The following BRWD3 variants were observed in gnomAD, a reference collection of about 807,000 sequenced individuals.
BRWD3 encodes the protein bromodomain and WD repeat domain containing 3.
In BRWD3, 10 loss-of-function variants were observed where a neutral mutation model predicts 149.7. The observed-to-expected ratio is 0.07, with a 90% CI of 0.04 to 0.11. BRWD3 has a LOEUF of 0.11. Ranked by LOEUF, BRWD3 falls within the 10% of genes least tolerant of loss-of-function variation. BRWD3 has a pLI of 1.00. For synonymous variants in BRWD3, 504 were observed against 456.7 expected (o/e 1.10, Z -1.32); for missense variants, 940 against 1,373.2 (o/e 0.68, Z 4.99).
chrX:80,682,679 A>T (rs772702889), intron 37 of BRWD3, 51 bp from the exon 38 acceptor site: 13 of 1,111,898 alleles, frequency 1.2e-5, no homozygotes, highest in Non-Finnish European at 1.5e-5. Flanking sequence ...TTTTAAAAAA[A>T]GGTATAAACA....
At chrX:80,792,602 T>C (rs1244349293) in intron 5 of BRWD3, among the ~76,000 whole-genome samples, 1 of 112,105 alleles carries the variant, frequency 8.9e-6, no homozygotes, top group Non-Finnish European at 1.9e-5. Context: ...AATTATAAAA[T>C]GAGATGCTTA....
chrX:80,768,552 T>G (rs1032542802), intron 6 of BRWD3, among the ~76,000 whole-genome samples: 1 of 111,020 alleles, frequency 9.0e-6, no homozygotes, highest in Non-Finnish European at 1.9e-5. Flanking sequence ...TCACCACCAG[T>G]CCTGCCTTAC....
chrX:80,781,150 A>G (rs1383882063), intron 6 of BRWD3, among the ~76,000 whole-genome samples: 2 of 111,992 alleles, frequency 1.8e-5, no homozygotes, highest in Non-Finnish European at 3.8e-5. Flanking sequence ...TACTAAAGAT[A>G]AAAAACAAAA....
chrX:80,702,810 T>C (rs2072808938), intron 24 of BRWD3, among the ~76,000 whole-genome samples: 2 of 111,875 alleles, frequency 1.8e-5, no homozygotes, highest in Non-Finnish European at 3.8e-5. Context: ...GCAATGACAA[T>C]ATTACATTTC....
At chrX:80,713,054 C>G (rs1408830854) in intron 20 of BRWD3, among the ~76,000 whole-genome samples, 1 of 108,729 alleles carries the variant, frequency 9.2e-6, no homozygotes, top group Non-Finnish European at 1.9e-5. Flanking sequence ...GCTGCCCCGT[C>G]TGGGAGGGAG....
Position 80,774,262 on chromosome X carries a change from TTTTTTTA to T in BRWD3, c.430+17585_430+17591del, listed in dbSNP as rs761041102. 2.3e-4 allele frequency among the ~76,000 whole-genome samples: 26 copies of T among 110,669 alleles called. No homozygotes were observed. In the East Asian group the frequency reaches 5.6e-3, roughly 24 times the overall value. Reference sequence around the variant, plus strand: ...CCTTCAGATTTTTTTTATTTTTTTATTTTTTTATTTTTTATTTTTTTTGAGACAGGGT... The same window carrying T: ...CCTTCAGATTTTTTTTATTTTTTTATTTTTTTATTTTTTTTGAGACAGGGT... On this transcript the variant is annotated intron_variant, in intron 6 of 40. Coordinates refer to ENST00000373275, the MANE Select transcript of BRWD3 (RefSeq NM_153252.5).
chrX:80,776,813 C>T (rs965153129), intron 6 of BRWD3, among the ~76,000 whole-genome samples: 2 of 111,307 alleles, frequency 1.8e-5, no homozygotes, highest in African/African-American at 3.3e-5. Flanking sequence ...TGATGGTACC[C>T]GATCCGTAGT....
At chrX:80,715,230 C>A (rs2073058787) in intron 20 of BRWD3, among the ~76,000 whole-genome samples, 1 of 109,192 alleles carries the variant, frequency 9.2e-6, no homozygotes. Context: ...AAAAAACTTA[C>A]CAGAGAACAG....
intron 6 of BRWD3, among the ~76,000 whole-genome samples, chrX:80,759,049 C>A (rs1481571434): frequency 2.7e-5 from 3 of 111,641 alleles, no homozygotes; most frequent in Non-Finnish European, 5.6e-5. Context: ...AGTAAGAGCA[C>A]AATGTTCCAG....
chrX:80,742,360 G>T (rs2073525589), intron 8 of BRWD3, among the ~76,000 whole-genome samples: 1 of 103,555 alleles, frequency 9.7e-6, no homozygotes. Context: ...CTCTGGCTTT[G>T]TTCTTTTGGC....
chrX:80,762,824 T>C (rs1039947857), intron 6 of BRWD3, among the ~76,000 whole-genome samples: 1 of 111,157 alleles, frequency 9.0e-6, no homozygotes, highest in Admixed American at 9.6e-5. Flanking sequence ...TGAGGTGAAT[T>C]TTGTAGAATG....
intron 6 of BRWD3, among the ~76,000 whole-genome samples, chrX:80,775,015 A>AT: frequency 8.9e-6 from 1 of 112,401 alleles, no homozygotes; most frequent in East Asian, 2.8e-4. Flanking sequence ...ATAGGATAAA[A>AT]TCTAAACTCA....
At chrX:80,731,702 G>C (rs2073332835) in intron 12 of BRWD3, among the ~76,000 whole-genome samples, 1 of 109,467 alleles carries the variant, frequency 9.1e-6, no homozygotes, top group African/African-American at 3.3e-5. Flanking sequence ...AGACCATCCT[G>C]GCTAACACGG....
At chrX:80,722,838 A>C (rs759963924) in intron 16 of BRWD3, 51 bp from the exon 17 acceptor site, 2 of 1,041,908 alleles carry the variant, frequency 1.9e-6, no homozygotes, top group South Asian at 3.8e-5. Flanking sequence ...TTTATAAGTA[A>C]ATACTTGTTT....
chrX:80,710,094 A>C, intron 20 of BRWD3: 3 of 765,473 alleles, frequency 3.9e-6, no homozygotes, highest in Non-Finnish European at 6.1e-6. Flanking sequence ...GCAGCTCATC[A>C]GAAAAAAATT....
intron 17 of BRWD3, among the ~76,000 whole-genome samples, chrX:80,720,049 A>G (rs1249818799): frequency 8.9e-6 from 1 of 112,318 alleles, no homozygotes; most frequent in East Asian, 2.8e-4. Flanking sequence ...TGTTATTGGC[A>G]TAAACAAACC....
Position 80,736,001 on chromosome X carries a change from T to A in BRWD3, c.901A>T (p.Thr301Ser). Reference protein sequence around the residue: ...TICFWQWHVKTMKFRDRPVKF... With the variant: ...TICFWQWHVKSMKFRDRPVKF... ...TTCTAAACTTACCTAAACTTCATTG[T>A]TTTTACATGCCATTGCCAGAAACAG... is the stretch of plus-strand genomic sequence containing the variant. Residue 301 changes from threonine (T) to serine (S), a missense_variant, in exon 9 of 41, where the codon ACA (threonine) becomes TCA (serine). Thr to Ser is a moderately conservative substitution (Grantham distance 58). Around this residue, in one of 6 missense-constraint regions of BRWD3, gnomAD observed 209 missense variants for 396.8 expected, o/e 0.53. Coordinates refer to ENST00000373275, the MANE Select transcript of BRWD3 (RefSeq NM_153252.5). 8.3e-7 allele frequency: 1 copy of A among 1,201,846 alleles called. No homozygotes were observed. Among genetic ancestry groups the A allele is most frequent in the Non-Finnish European group, 1.1e-6 (1 of 888,938 alleles).
chrX:80,738,525 A>G (rs1225436822), intron 8 of BRWD3, among the ~76,000 whole-genome samples: 3 of 111,351 alleles, frequency 2.7e-5, no homozygotes, highest in African/African-American at 9.8e-5. Flanking sequence ...CCAATACACA[A>G]ATAATAAAGA....
chrX:80,776,079 C>T (rs2073997843), intron 6 of BRWD3, among the ~76,000 whole-genome samples: 1 of 112,181 alleles, frequency 8.9e-6, no homozygotes, highest in South Asian at 3.7e-4. Flanking sequence ...TATTTAATGA[C>T]ATTTTACAAA....
Sources: gnomAD v4.1 joint callset for allele counts (sites outside exome capture counted in the v4.1 genomes callset) on GRCh38, gnomAD v4.1.1 for gene constraint, gnomAD v4.1.1 regional missense constraint, MANE v1.5 for transcripts, NCBI Gene and HGNC (gene_info 2026-07-23, HGNC 2026-07-21) for gene names.